The following SLC38A9 variants were observed in gnomAD, a reference collection of about 807,000 sequenced individuals.
SLC38A9 encodes neutral amino acid transporter 9.
In SLC38A9, 48 loss-of-function variants were observed where a neutral mutation model predicts 62.3. The observed-to-expected ratio is 0.77, with a 90% confidence interval of 0.61 to 0.98. The LOEUF (loss-of-function observed/expected upper bound fraction) is 0.98. Ranked by LOEUF, SLC38A9 falls within the 50% of genes least tolerant of loss-of-function variation. The pLI, the probability that SLC38A9 is intolerant of heterozygous loss-of-function variation, is 0.00. For missense variants in SLC38A9, 541 were observed against 679.8 expected (o/e 0.80, Z 2.27); for synonymous variants, 204 against 227.7 (o/e 0.90, Z 0.94).
intron 7 of SLC38A9, among the ~76,000 whole-genome samples, chr5:55,668,345 C>T (rs1052322420): frequency 6.6e-6 from 1 of 152,160 alleles, no homozygotes; most frequent in African/African-American, 2.4e-5. Flanking sequence ...AAATTATCTC[C>T]TCTTACCATT....
chr5:55,698,820 A>G (rs1438049817), intron 2 of SLC38A9, among the ~76,000 whole-genome samples: 1 of 152,118 alleles, frequency 6.6e-6, no homozygotes, highest in African/African-American at 2.4e-5. Context: ...AGTCTCAGCT[A>G]CTTTGGAGGC....
intron 3 of SLC38A9, chr5:55,675,164 G>A (rs1751907688): frequency 6.6e-6 from 1 of 152,154 alleles, no homozygotes; most frequent in African/African-American, 2.4e-5. Flanking sequence ...CCACTAAGTT[G>A]GTTTGAGGCC....
chr5:55,669,512 G>C (rs767659747), intron 6 of SLC38A9, 45 bp downstream of exon 6: 63 of 1,517,090 alleles, frequency 4.2e-5, no homozygotes, highest in Non-Finnish European at 5.2e-5. Flanking sequence ...ACAATATAAA[G>C]AGAAAAACAT....
intron 12 of SLC38A9, among the ~76,000 whole-genome samples, chr5:55,642,160 C>T (rs890037224): frequency 2.0e-5 from 3 of 152,206 alleles, no homozygotes; most frequent in African/African-American, 7.2e-5. Flanking sequence ...ATTCTCCTGC[C>T]TCAGCCTCCT....
chr5:55,697,204 G>A (rs1428172427), intron 3 of SLC38A9: 1 of 153,878 alleles, frequency 6.5e-6, no homozygotes, highest in Non-Finnish European at 1.4e-5. Context: ...GGGAGGCCAA[G>A]GCAGGCGGCT....
chr5:55,687,187 C>T (rs1235233745), intron 3 of SLC38A9, among the ~76,000 whole-genome samples: 2 of 149,780 alleles, frequency 1.3e-5, no homozygotes, highest in Non-Finnish European at 3.0e-5. Flanking sequence ...CGCCTGTAAT[C>T]CCAGCACTTT....
intron 3 of SLC38A9, among the ~76,000 whole-genome samples, chr5:55,677,041 C>A (rs184745947): frequency 6.6e-6 from 1 of 152,172 alleles, no homozygotes; most frequent in Admixed American, 6.5e-5. Context: ...GGTCTTTGAA[C>A]CTGACATTAA....
intron 2 of SLC38A9, among the ~76,000 whole-genome samples, chr5:55,703,324 A>G (rs1756896081): frequency 6.6e-6 from 1 of 152,230 alleles, no homozygotes; most frequent in Non-Finnish European, 1.5e-5. Context: ...TTTCACTTTC[A>G]GCTCAAATCT....
chr5:55,682,777 C>CAAAA (rs61474699), intron 3 of SLC38A9, among the ~76,000 whole-genome samples: 4 of 150,738 alleles, frequency 2.7e-5, no homozygotes, highest in African/African-American at 4.9e-5. Flanking sequence ...CAAAAACAGA[C>CAAAA]GTGTGTGTGT....
At chr5:55,702,319 T>A (rs992931742) in intron 2 of SLC38A9, among the ~76,000 whole-genome samples, 1 of 151,922 alleles carries the variant, frequency 6.6e-6, no homozygotes, top group Non-Finnish European at 1.5e-5. Flanking sequence ...AGTGGTGCAG[T>A]GGCATGATCA....
At position 55,645,808 on chromosome 5, in the gene SLC38A9, T is replaced by C; in HGVS notation, c.1148A>G (p.Asn383Ser). 6.2e-7 allele frequency: 1 copy of C among 1,607,352 alleles called. No individual in the cohort carries two copies. Among genetic ancestry groups the C allele is most frequent in the Non-Finnish European group, 8.5e-7 (1 of 1,176,004 alleles). The change falls in exon 12 of 16, where the codon AAC becomes AGC. Residue 383 changes from asparagine to serine, a missense_variant. By Grantham distance (46) the Asn-to-Ser change is conservative (BLOSUM62 1). Coordinates refer to ENST00000396865, the MANE Select transcript of SLC38A9 (RefSeq NM_173514.4). ...ACTCACATTGTTTTCTTGTTTCTTGTTGTTCTTCAAGAGTGTGATGATACA... is the reference window on the plus strand; with the variant it reads ...ACTCACATTGTTTTCTTGTTTCTTGCTGTTCTTCAAGAGTGTGATGATACA... ...HNCIITLLKN[N>S]KKQENNVRDL...
In SLC38A9 at chr5:55,656,725, A is replaced by G. The variant is rs532394695; in HGVS notation, c.747T>C (p.Asn249=). The G allele has an allele frequency of 1.6e-5, 25 of 1,598,638 alleles. No homozygotes were observed. Among genetic ancestry groups the G allele is most frequent in the African/African-American group, 2.7e-5 (2 of 74,654 alleles). ...NDTDTILSTN[N]SNPVICPSAG... Reference sequence around the variant, plus strand: ...TCCCAAACTACTTACCAGGGTTGCTATTATTGGTACTCAGTATAGTGTCTG... The same window carrying G: ...TCCCAAACTACTTACCAGGGTTGCTGTTATTGGTACTCAGTATAGTGTCTG... The change falls in exon 9 of 16, where the codon AAT becomes AAC. Residue 249 remains asparagine, a synonymous_variant. Coordinates refer to ENST00000396865, the MANE Select transcript of SLC38A9 (RefSeq NM_173514.4).
In SLC38A9 at chr5:55,626,646, C is replaced by T. The variant is rs1295619740; in HGVS notation, c.1534G>A (p.Ala512Thr). ...ATGAATACAAAGGCCAGTCCACATG[C>T]TGCTCCTGAATATCTGCAAAATAAA... ...IGGIIRYSGA[A>T]CGLAFVFIYP... Residue 512 changes from alanine (A) to threonine (T), a missense_variant, in exon 16 of 16, where the codon GCA becomes ACA. Coordinates refer to ENST00000396865, the MANE Select transcript of SLC38A9 (RefSeq NM_173514.4). The T allele has an allele frequency of 1.2e-6, 2 of 1,601,128 alleles. No homozygotes were observed. Among genetic ancestry groups the T allele is most frequent in the African/African-American group, 2.7e-5 (2 of 73,972 alleles).
chr5:55,636,126 C>A (rs1561307112), intron 12 of SLC38A9, among the ~76,000 whole-genome samples: 1 of 151,994 alleles, frequency 6.6e-6, no homozygotes, highest in Admixed American at 6.6e-5. Context: ...CACAGCAGAG[C>A]AGAACATACT....
At chr5:55,681,504 A>T (rs1327807393) in intron 3 of SLC38A9, among the ~76,000 whole-genome samples, 2 of 152,164 alleles carry the variant, frequency 1.3e-5, no homozygotes, top group African/African-American at 4.8e-5. Context: ...GGTTTATGGC[A>T]GTTAAAATCT....
At chr5:55,631,537 G>C (rs983461376) in intron 14 of SLC38A9, among the ~76,000 whole-genome samples, 1 of 152,100 alleles carries the variant, frequency 6.6e-6, no homozygotes, top group Non-Finnish European at 1.5e-5. Flanking sequence ...CAGCAGAGTA[G>C]AAACACAATC....
At chr5:55,633,362 C>G (rs1376126482) in intron 14 of SLC38A9, 3 of 155,220 alleles carry the variant, frequency 1.9e-5, no homozygotes, top group African/African-American at 7.2e-5. Context: ...CTTCAGAGGG[C>G]AAAGGGGAAG....
At chr5:55,668,039 G>A (rs1318768582) in intron 7 of SLC38A9, among the ~76,000 whole-genome samples, 1 of 152,158 alleles carries the variant, frequency 6.6e-6, no homozygotes, top group African/African-American at 2.4e-5. Context: ...GGGCATGGTG[G>A]TATGCACCTG....
At chr5:55,691,433 C>T in intron 3 of SLC38A9, 1 of 1,058,030 alleles carries the variant, frequency 9.5e-7, no homozygotes, top group Non-Finnish European at 1.2e-6. Flanking sequence ...ATATGAAATC[C>T]CTAGGCCCTG....
Sources: gnomAD v4.1 joint callset for allele counts (sites outside exome capture counted in the v4.1 genomes callset) on GRCh38, gnomAD v4.1.1 for gene constraint, MANE v1.5 for transcripts, NCBI Gene and HGNC (gene_info 2026-07-23, HGNC 2026-07-21) for gene names.